MGAT4C: variants seen among roughly 807,000 people sequenced by gnomAD.
MGAT4C encodes MGAT4 family member C.
Under a neutral mutation model 40.1 loss-of-function variants are expected in MGAT4C, and 19 were observed. The observed-to-expected ratio is 0.47, with a 90% CI of 0.33 to 0.70. The LOEUF (loss-of-function observed/expected upper bound fraction) is 0.70. Among genes scored for constraint, MGAT4C ranks in the 30% least tolerant of loss-of-function variants. The pLI, the probability that MGAT4C is intolerant of heterozygous loss-of-function variation, is 0.02. For synonymous variants in MGAT4C, 181 were observed against 187.1 expected (o/e 0.97, Z 0.27); for missense variants, 491 against 563.2 (o/e 0.87, Z 1.30).
intron 2 of MGAT4C, among the ~76,000 whole-genome samples, chr12:86,038,229 T>C (rs995653766): frequency 1.3e-5 from 2 of 149,884 alleles, no homozygotes; most frequent in Admixed American, 1.3e-4. Context: ...GAGCATGTTC[T>C]TCTAGTTTAA....
intron 2 of MGAT4C, among the ~76,000 whole-genome samples, chr12:86,462,130 G>T (rs1018372668): frequency 2.0e-5 from 3 of 152,218 alleles, no homozygotes; most frequent in African/African-American, 4.8e-5. Flanking sequence ...GATATTGCAT[G>T]CATTCCTTGA....
chr12:86,669,440 C>T (rs373522304), intron 2 of MGAT4C, among the ~76,000 whole-genome samples: 5 of 152,282 alleles, frequency 3.3e-5, no homozygotes, highest in African/African-American at 1.2e-4. Flanking sequence ...TGCAGAGGGT[C>T]CCTCCCTGCT....
In MGAT4C at chr12:86,449,175, AACAT is replaced by A. The variant is rs1230745473; in HGVS notation, c.-228-13914_-228-13911del. On this transcript the variant is annotated intron_variant, in intron 2 of 7. Coordinates refer to the MGAT4C transcript ENST00000548651. ...CTGAATAAGTAAAATAATAATTGAG[AACAT>A]ACAATCAATAATTTTCAGTTATAAT... 2.6e-5 allele frequency among the ~76,000 whole-genome samples: 4 copies of A among 152,318 alleles called. No individual in the cohort carries two copies. In the East Asian group the frequency reaches 7.7e-4, roughly 29 times the overall value.
chr12:86,807,902 T>A (rs1452180717), intron 1 of MGAT4C, among the ~76,000 whole-genome samples: 2 of 152,142 alleles, frequency 1.3e-5, no homozygotes, highest in East Asian at 3.9e-4. Context: ...TTTTTCCATA[T>A]GTTTGCTGGC....
chr12:86,785,633 T>G (rs2136187931), intron 1 of MGAT4C, among the ~76,000 whole-genome samples: 1 of 151,986 alleles, frequency 6.6e-6, no homozygotes. Flanking sequence ...AAATACAGTT[T>G]CACTATGATA....
At chr12:86,001,716 T>G in intron 2 of MGAT4C, 1 of 781,968 alleles carries the variant, frequency 1.3e-6, no homozygotes, top group Non-Finnish European at 1.6e-6. Context: ...ATTGTAAATC[T>G]TACTTCCTGT....
chr12:86,062,898 T>C (rs1894136739), intron 1 of MGAT4C, among the ~76,000 whole-genome samples: 1 of 152,060 alleles, frequency 6.6e-6, no homozygotes, highest in African/African-American at 2.4e-5. Flanking sequence ...CTACATTTGA[T>C]TGGTATACCT....
At chr12:86,213,395 A>C (rs1210853247) in intron 1 of MGAT4C, among the ~76,000 whole-genome samples, 1 of 152,250 alleles carries the variant, frequency 6.6e-6, no homozygotes, top group Non-Finnish European at 1.5e-5. Flanking sequence ...AAATGATTGC[A>C]CAGGGACAAA....
In MGAT4C at chr12:85,972,321, T is replaced by A. The variant is rs1883659525; in HGVS notation, c.*6968A>T. The A allele has an allele frequency of 6.6e-6, 1 of 151,100 alleles. No individual in the cohort carries two copies. The allele number at this position is 151,100 out of a possible 1,614,324, so 9.4% of individuals were successfully genotyped here. On this transcript the variant is annotated 3_prime_UTR_variant, in exon 5 of 5. Transcript: ENST00000611864. Reference sequence around the variant, plus strand: ...TATTCAAAATGGACAACTTATTTATTATGTACTTCTACACACAGCTAAGCT... The same window carrying A: ...TATTCAAAATGGACAACTTATTTATAATGTACTTCTACACACAGCTAAGCT...
chr12:86,232,205 C>T (rs1169800992), intron 1 of MGAT4C, among the ~76,000 whole-genome samples: 1 of 151,800 alleles, frequency 6.6e-6, no homozygotes, highest in Non-Finnish European at 1.5e-5. Flanking sequence ...CCAGTTTCAG[C>T]AAGATGGTCC....
intron 1 of MGAT4C, among the ~76,000 whole-genome samples, chr12:86,161,844 AACAG>A (rs1885622600): frequency 6.6e-6 from 1 of 152,160 alleles, no homozygotes; most frequent in South Asian, 2.1e-4. Flanking sequence ...AAAGGACATG[AACAG>A]ACATTTTGCA....
intron 2 of MGAT4C, among the ~76,000 whole-genome samples, chr12:86,535,339 T>C (rs1959050553): frequency 6.6e-6 from 1 of 152,124 alleles, no homozygotes; most frequent in African/African-American, 2.4e-5. Flanking sequence ...ACAGATTATA[T>C]TTGTCTACAA....
intron 3 of MGAT4C, among the ~76,000 whole-genome samples, chr12:86,349,144 C>A (rs1246226462): frequency 3.3e-5 from 5 of 152,238 alleles, no homozygotes; most frequent in African/African-American, 1.2e-4. Flanking sequence ...TCCTTGAAAT[C>A]TTATTGTAAA....
chr12:86,230,357 AG>A (rs1214972847), intron 1 of MGAT4C, among the ~76,000 whole-genome samples: 3 of 152,144 alleles, frequency 2.0e-5, no homozygotes, highest in Admixed American at 2.0e-4. Flanking sequence ...CTATATGAAA[AG>A]GGAAAATGTC....
intron 1 of MGAT4C, among the ~76,000 whole-genome samples, chr12:86,779,721 G>T (rs191903062): frequency 2.8e-4 from 42 of 152,152 alleles, no homozygotes; most frequent in African/African-American, 1.0e-3. Context: ...AGACCATCCT[G>T]GCTAACGCGG....
At chr12:86,203,932 G>C (rs1250932535) in intron 1 of MGAT4C, among the ~76,000 whole-genome samples, 1 of 142,722 alleles carries the variant, frequency 7.0e-6, no homozygotes, top group Admixed American at 7.2e-5. Flanking sequence ...ACTCCAGCCT[G>C]GGCAACGAGA....
intron 1 of MGAT4C, among the ~76,000 whole-genome samples, chr12:86,742,207 T>G (rs756153257): frequency 4.6e-5 from 7 of 151,034 alleles, no homozygotes; most frequent in Non-Finnish European, 1.0e-4. Flanking sequence ...AGTGAATATT[T>G]GCTGATTAAC....
chr12:86,501,446 T>C (rs1958339021), intron 2 of MGAT4C, among the ~76,000 whole-genome samples: 1 of 152,040 alleles, frequency 6.6e-6, no homozygotes, highest in African/African-American at 2.4e-5. Context: ...ACCTAGGTAT[T>C]AAGCTCAGCA....
At chr12:86,236,226 T>A (rs1441861341) in intron 1 of MGAT4C, among the ~76,000 whole-genome samples, 1 of 152,016 alleles carries the variant, frequency 6.6e-6, no homozygotes, top group East Asian at 1.9e-4. Context: ...TCAGGGTTGG[T>A]TGATGTAGCG....
Sources: gnomAD v4.1 joint callset for allele counts (sites outside exome capture counted in the v4.1 genomes callset) on GRCh38, gnomAD v4.1.1 for gene constraint, MANE v1.5 for transcripts, NCBI Gene and HGNC (gene_info 2026-07-23, HGNC 2026-07-21) for gene names.